The following GALNTL6 variants were observed in gnomAD, a reference collection of about 807,000 sequenced individuals.
The protein encoded by GALNTL6 is polypeptide N-acetylgalactosaminyltransferase-like 6.
In GALNTL6, 46 loss-of-function variants were observed where a neutral mutation model predicts 73.7. That is an observed-to-expected ratio of 0.62 (90% CI 0.49 to 0.80). The LOEUF (loss-of-function observed/expected upper bound fraction) is 0.80. Among genes scored for constraint, GALNTL6 ranks in the 30% least tolerant of loss-of-function variants. GALNTL6 has a pLI of 0.00. For missense variants in GALNTL6, 604 were observed against 755.0 expected, an observed-to-expected ratio of 0.80 and a Z score of 2.34; for synonymous variants, 259 against 263.7, an observed-to-expected ratio of 0.98 and a Z score of 0.17.
chr4:172,435,617 C>T (rs571692802), intron 5 of GALNTL6, among the ~76,000 whole-genome samples: 4 of 151,984 alleles, frequency 2.6e-5, no homozygotes, highest in Admixed American at 1.3e-4. Context: ...ATAAGCTCTT[C>T]GAGGAAAAGA....
At chr4:171,967,537 G>A (rs1015394180) in intron 2 of GALNTL6, among the ~76,000 whole-genome samples, 2 of 147,198 alleles carry the variant, frequency 1.4e-5, no homozygotes, top group Non-Finnish European at 3.0e-5. Flanking sequence ...TCTTTGAAAA[G>A]GTTGTTCTTT....
At chr4:171,816,853 T>C (rs1268945659) in intron 2 of GALNTL6, among the ~76,000 whole-genome samples, 1 of 151,938 alleles carries the variant, frequency 6.6e-6, no homozygotes, top group Non-Finnish European at 1.5e-5. Context: ...TTTGGGTAAG[T>C]AAGAGTTAAG....
chr4:172,938,533 C>A (rs930406353), intron 9 of GALNTL6, among the ~76,000 whole-genome samples: 2 of 152,176 alleles, frequency 1.3e-5, no homozygotes, highest in Non-Finnish European at 2.9e-5. Context: ...ATAAAATCAC[C>A]AACAAGGTTA....
intron 9 of GALNTL6, among the ~76,000 whole-genome samples, chr4:172,945,176 A>G (rs919759405): frequency 1.3e-5 from 2 of 152,298 alleles, no homozygotes; most frequent in African/African-American, 4.8e-5. Context: ...AAAAGAGCAC[A>G]TACTGTATGA....
intron 8 of GALNTL6, among the ~76,000 whole-genome samples, chr4:172,891,961 G>A (rs183533080): frequency 6.6e-5 from 10 of 152,078 alleles, no homozygotes; most frequent in Admixed American, 3.3e-4. Flanking sequence ...TTTCAATTCC[G>A]GAAGTTCAGT....
intron 12 of GALNTL6, among the ~76,000 whole-genome samples, chr4:173,027,833 G>A (rs1242831113): frequency 6.6e-6 from 1 of 152,146 alleles, no homozygotes; most frequent in African/African-American, 2.4e-5. Context: ...TTTTAAAAAT[G>A]AATAGATACA....
At chr4:171,875,642 T>C (rs956398057) in intron 2 of GALNTL6, among the ~76,000 whole-genome samples, 3 of 152,040 alleles carry the variant, frequency 2.0e-5, no homozygotes, top group Non-Finnish European at 4.4e-5. Context: ...CCCGTTTCCC[T>C]TCTTCTCAGC....
chr4:172,767,163 A>G (rs1378282284), intron 5 of GALNTL6, among the ~76,000 whole-genome samples: 4 of 152,244 alleles, frequency 2.6e-5, no homozygotes, highest in Admixed American at 1.3e-4. Flanking sequence ...CTGTCTTTCA[A>G]CGTATTATTT....
chr4:171,995,897 A>G (rs999963015), intron 2 of GALNTL6, among the ~76,000 whole-genome samples: 4 of 152,098 alleles, frequency 2.6e-5, no homozygotes, highest in African/African-American at 9.6e-5. Context: ...AACATCTGAC[A>G]AAAGTTGATA....
chr4:171,899,967 T>C (rs1737032541), intron 2 of GALNTL6, among the ~76,000 whole-genome samples: 1 of 152,164 alleles, frequency 6.6e-6, no homozygotes, highest in Admixed American at 6.5e-5. Flanking sequence ...TTTTGTAATA[T>C]GAATGCTTAA....
intron 2 of GALNTL6, among the ~76,000 whole-genome samples, chr4:172,010,259 A>G (rs1282748559): frequency 6.6e-6 from 1 of 152,096 alleles, no homozygotes; most frequent in Admixed American, 6.6e-5. Flanking sequence ...GATGAGTACT[A>G]TGAGTACAAC....
intron 2 of GALNTL6, among the ~76,000 whole-genome samples, chr4:171,992,203 A>G (rs757728415): frequency 2.0e-5 from 3 of 152,024 alleles, no homozygotes; most frequent in Non-Finnish European, 4.4e-5. Flanking sequence ...AATAATCCTA[A>G]AAGAATTCAA....
intron 5 of GALNTL6, among the ~76,000 whole-genome samples, chr4:172,539,908 A>ATATATATAT (rs1561128725): frequency 1.0e-5 from 1 of 99,724 alleles, no homozygotes; most frequent in African/African-American, 4.8e-5. Flanking sequence ...TATATATATA[A>ATATATATAT]AAAATCTCAT....
intron 9 of GALNTL6, among the ~76,000 whole-genome samples, chr4:172,950,080 A>G (rs1252880219): frequency 6.6e-6 from 1 of 152,196 alleles, no homozygotes; most frequent in African/African-American, 2.4e-5. Context: ...GTTTTTATGT[A>G]TGTAGTACAG....
intron 8 of GALNTL6, among the ~76,000 whole-genome samples, chr4:172,912,856 G>A (rs1268722806): frequency 1.3e-5 from 2 of 152,204 alleles, no homozygotes; most frequent in East Asian, 3.8e-4. Flanking sequence ...TGACAGCTTT[G>A]AAGAGAGCAG....
intron 3 of GALNTL6, among the ~76,000 whole-genome samples, chr4:172,307,002 G>A (rs1740163134): frequency 6.6e-6 from 1 of 152,096 alleles, no homozygotes; most frequent in Admixed American, 6.6e-5. Flanking sequence ...TGAATCAAAT[G>A]GTAGTTCTAC....
intron 2 of GALNTL6, among the ~76,000 whole-genome samples, chr4:171,840,876 T>C (rs562300576): frequency 1.9e-4 from 29 of 152,230 alleles, no homozygotes; most frequent in African/African-American, 5.3e-4. Context: ...CATTGGAAAA[T>C]TGGACATGCT....
chr4:171,936,528 CAGTT>C (rs1402350089), intron 2 of GALNTL6, among the ~76,000 whole-genome samples: 2 of 152,066 alleles, frequency 1.3e-5, no homozygotes, highest in South Asian at 2.1e-4. Context: ...CTAATATAAT[CAGTT>C]AGTCTCTAGA....
intron 2 of GALNTL6, among the ~76,000 whole-genome samples, chr4:171,872,697 G>A (rs1736171907): frequency 6.6e-6 from 1 of 152,120 alleles, no homozygotes; most frequent in Non-Finnish European, 1.5e-5. Flanking sequence ...TTCTCCATCT[G>A]TGTGTGTCAG....
Sources: gnomAD v4.1 joint callset for allele counts (sites outside exome capture counted in the v4.1 genomes callset) on GRCh38, gnomAD v4.1.1 for gene constraint, MANE v1.5 for transcripts, NCBI Gene and HGNC (gene_info 2026-07-23, HGNC 2026-07-21) for gene names.